GRID1: variants seen among roughly 807,000 people sequenced by gnomAD.
GRID1 encodes glutamate receptor ionotropic, delta-1.
GRID1 carries 28 observed loss-of-function variants against 98.0 expected under a neutral mutation model. The observed-to-expected ratio is 0.29, with a 90% confidence interval of 0.21 to 0.39. The LOEUF is 0.39. GRID1 is among the 10% of genes least tolerant of loss of function. The pLI, the probability that GRID1 is intolerant of heterozygous loss-of-function variation, is 1.00. For synonymous variants in GRID1, 553 were observed against 538.5 expected, an observed-to-expected ratio of 1.03 and a Z score of -0.37; for missense variants, 1,111 against 1,340.5, an observed-to-expected ratio of 0.83 and a Z score of 2.67.
At chr10:85,997,339 C>T (rs1302271186) in intron 4 of GRID1, among the ~76,000 whole-genome samples, 1 of 151,236 alleles carries the variant, frequency 6.6e-6, no homozygotes, top group African/African-American at 2.4e-5. Flanking sequence ...GTGGAGGTTG[C>T]AGTGAGCCAA....
At chr10:85,668,457 T>C (rs1455583756) in intron 12 of GRID1, among the ~76,000 whole-genome samples, 2 of 152,214 alleles carry the variant, frequency 1.3e-5, no homozygotes, top group African/African-American at 4.8e-5. Context: ...CCTGCTTTTC[T>C]TAGTGTGTGG....
intron 5 of GRID1, among the ~76,000 whole-genome samples, chr10:85,869,729 T>C (rs1843258259): frequency 6.6e-6 from 1 of 152,220 alleles, no homozygotes; most frequent in Non-Finnish European, 1.5e-5. Context: ...TACTAAGCAC[T>C]GTGGATACAG....
At chr10:85,853,925 C>G (rs1315824065) in intron 8 of GRID1, among the ~76,000 whole-genome samples, 1 of 152,202 alleles carries the variant, frequency 6.6e-6, no homozygotes, top group Non-Finnish European at 1.5e-5. Flanking sequence ...ACTGGGAAGA[C>G]CCAGGCTGCC....
At chr10:85,703,311 G>A (rs11201738) in intron 12 of GRID1, among the ~76,000 whole-genome samples, 19,411 of 151,854 alleles carry the variant, frequency 0.13, 1,410 homozygotes, top group Middle Eastern at 0.24. Context: ...AATGAACAGC[G>A]GCTAAATCAT....
chr10:85,954,727 A>G (rs1271711267), intron 4 of GRID1, among the ~76,000 whole-genome samples: 2 of 152,204 alleles, frequency 1.3e-5, no homozygotes, highest in Non-Finnish European at 2.9e-5. Flanking sequence ...GAACTGGCAG[A>G]ACTGTGCTAA....
intron 2 of GRID1, among the ~76,000 whole-genome samples, chr10:86,254,205 A>T (rs952034130): frequency 3.3e-5 from 5 of 150,986 alleles, no homozygotes; most frequent in African/African-American, 1.2e-4. Flanking sequence ...CTCCCTCACA[A>T]CCCCATGAGA....
At chr10:85,723,883 C>T (rs1841731584) in intron 11 of GRID1, among the ~76,000 whole-genome samples, 1 of 152,188 alleles carries the variant, frequency 6.6e-6, no homozygotes, top group Non-Finnish European at 1.5e-5. Flanking sequence ...TGGCACAATC[C>T]TATAACTCAC....
Position 85,613,398 on chromosome 10 carries a change from G to T in GRID1, c.2601+9C>A. 6.2e-7 allele frequency: 1 copy of T among 1,608,344 alleles called. No homozygotes were observed. Among genetic ancestry groups the T allele is most frequent in the East Asian group, 2.2e-5 (1 of 44,762 alleles). ...CTGTGAAAGGGAGGGCAGGCCCCAG[G>T]GTGCTGACCTCCTTGGGGGTCTCCT... On this transcript the variant is annotated intron_variant, in intron 15 of 15. Coordinates refer to ENST00000327946, the MANE Select transcript of GRID1 (RefSeq NM_017551.3).
At chr10:86,014,734 T>C (rs1318780566) in intron 4 of GRID1, among the ~76,000 whole-genome samples, 2 of 152,230 alleles carry the variant, frequency 1.3e-5, no homozygotes, top group Admixed American at 1.3e-4. Context: ...GTCATAGACT[T>C]AAAAGGAGCA....
intron 12 of GRID1, among the ~76,000 whole-genome samples, chr10:85,709,350 G>T (rs1170503524): frequency 1.3e-5 from 2 of 152,162 alleles, no homozygotes; most frequent in Non-Finnish European, 2.9e-5. Flanking sequence ...AGTTGTGTTT[G>T]GCTGAACAAT....
intron 4 of GRID1, among the ~76,000 whole-genome samples, chr10:85,926,380 G>C (rs927963542): frequency 1.3e-5 from 2 of 152,214 alleles, no homozygotes; most frequent in Admixed American, 6.5e-5. Flanking sequence ...AGCAATAAAA[G>C]TGTGGGGAGA....
intron 12 of GRID1, among the ~76,000 whole-genome samples, chr10:85,721,820 G>A (rs371240913): frequency 6.6e-6 from 1 of 152,180 alleles, no homozygotes. Flanking sequence ...TGATAAAATA[G>A]TATAGACCCG....
intron 13 of GRID1, among the ~76,000 whole-genome samples, chr10:85,645,372 T>C (rs1320420598): frequency 1.3e-5 from 2 of 152,220 alleles, no homozygotes; most frequent in Non-Finnish European, 2.9e-5. Context: ...AAAGATTCAC[T>C]GTCAGGGGTG....
chr10:85,667,775 C>T (rs1345702768), intron 12 of GRID1, among the ~76,000 whole-genome samples: 3 of 152,182 alleles, frequency 2.0e-5, no homozygotes, highest in Admixed American at 1.3e-4. Context: ...TGGATGAGTC[C>T]AGCCTGTTCG....
intron 4 of GRID1, among the ~76,000 whole-genome samples, chr10:86,075,084 T>A (rs977883288): frequency 4.1e-5 from 6 of 145,838 alleles, no homozygotes; most frequent in African/African-American, 1.5e-4. Context: ...GGGAGGAGAG[T>A]CCAGCTCAAC....
At chr10:85,804,443 C>A (rs1364236923) in intron 8 of GRID1, among the ~76,000 whole-genome samples, 2 of 151,744 alleles carry the variant, frequency 1.3e-5, no homozygotes. Flanking sequence ...CATATGGGAA[C>A]AAACAATACC....
chr10:86,075,705 T>C (rs1236273106), intron 4 of GRID1, among the ~76,000 whole-genome samples: 1 of 152,176 alleles, frequency 6.6e-6, no homozygotes, highest in Non-Finnish European at 1.5e-5. Context: ...TTGGAAGAGA[T>C]GTCCAAGGGG....
At position 86,041,497 on chromosome 10, in the gene GRID1, G is replaced by A. The variant is rs1006924103; in HGVS notation, c.726+97322C>T. On this transcript the variant is annotated intron_variant, in intron 4 of 15. Coordinates refer to ENST00000327946, the MANE Select transcript of GRID1 (RefSeq NM_017551.3). ...TTGGGTAGAGACCTGAAAAGAGGGG[G>A]CTTGCAGGTGCCGATGGATTGCTTT... Among the ~76,000 whole-genome samples, 11 of 152,280 alleles carry A rather than the reference G, an allele frequency of 7.2e-5. No individual in the cohort carries two copies. In the South Asian group the frequency reaches 8.3e-4, roughly 11 times the overall value.
chr10:85,817,904 A>G (rs767424073), intron 8 of GRID1, among the ~76,000 whole-genome samples: 21 of 152,080 alleles, frequency 1.4e-4, no homozygotes, highest in Non-Finnish European at 2.4e-4. Context: ...AAAAAAAAAG[A>G]ATTTCATTGT....
Sources: allele counts gnomAD v4.1 joint callset (sites outside exome capture counted in the v4.1 genomes callset), GRCh38; gene constraint gnomAD v4.1.1; transcripts MANE v1.5; gene names NCBI Gene and HGNC (gene_info 2026-07-23, HGNC 2026-07-21).